KCND2: variants seen among roughly 807,000 people sequenced by gnomAD.
KCND2 encodes the protein A-type voltage-gated potassium channel KCND2.
KCND2 carries 16 observed loss-of-function variants against 54.4 expected under a neutral mutation model. The ratio of observed to expected loss-of-function variants is 0.29; its 90% CI spans 0.20 to 0.45. The LOEUF is 0.45. Among genes scored for constraint, KCND2 ranks in the 20% least tolerant of loss-of-function variants. KCND2 has a pLI of 1.00. For missense variants in KCND2, 486 were observed against 824.2 expected (o/e 0.59, Z 5.02); for synonymous variants, 317 against 310.7 (o/e 1.02, Z -0.21).
At chr7:120,706,945 G>A (rs1792476304) in intron 1 of KCND2, among the ~76,000 whole-genome samples, 1 of 152,066 alleles carries the variant, frequency 6.6e-6, no homozygotes, top group East Asian at 1.9e-4. Flanking sequence ...TTGTCAAAAT[G>A]TATTTTGTCT....
intron 1 of KCND2, chr7:120,673,056 A>G (rs1792013830): frequency 6.6e-6 from 1 of 151,774 alleles, no homozygotes; most frequent in Non-Finnish European, 1.5e-5. Context: ...GACAACAAGG[A>G]TGTGTGTGTG....
chr7:120,607,205 TG>T (rs1792892899), intron 1 of KCND2, among the ~76,000 whole-genome samples: 1 of 151,720 alleles, frequency 6.6e-6, no homozygotes, highest in South Asian at 2.1e-4. Flanking sequence ...TTTTTTTTCT[TG>T]ACTAAATGTT....
chr7:120,694,628 G>T (rs560383058), intron 1 of KCND2, among the ~76,000 whole-genome samples: 1 of 152,108 alleles, frequency 6.6e-6, no homozygotes, highest in African/African-American at 2.4e-5. Context: ...GGGGTTAGAA[G>T]GACCACCATA....
At chr7:120,437,041 G>A (rs1239522000) in intron 1 of KCND2, among the ~76,000 whole-genome samples, 4 of 151,806 alleles carry the variant, frequency 2.6e-5, no homozygotes, top group Middle Eastern at 3.2e-3. Flanking sequence ...TCAGCCTATC[G>A]AACTTTGCCC....
intron 1 of KCND2, among the ~76,000 whole-genome samples, chr7:120,412,726 G>C (rs1801469951): frequency 6.6e-6 from 1 of 152,040 alleles, no homozygotes; most frequent in Admixed American, 6.6e-5. Flanking sequence ...ATATATTCCA[G>C]AATGCTTTCT....
chr7:120,702,950 A>G (rs190256194), intron 1 of KCND2, among the ~76,000 whole-genome samples: 21 of 152,288 alleles, frequency 1.4e-4, no homozygotes, highest in Admixed American at 5.9e-4. Context: ...TAAAAAAATC[A>G]GTTGCCTGGG....
At chr7:120,496,135 C>T (rs1802843568) in intron 1 of KCND2, among the ~76,000 whole-genome samples, 1 of 152,100 alleles carries the variant, frequency 6.6e-6, no homozygotes, top group Non-Finnish European at 1.5e-5. Flanking sequence ...TAGAAGCATC[C>T]ACTCTGAGTC....
intron 1 of KCND2, among the ~76,000 whole-genome samples, chr7:120,328,143 A>G (rs1021147653): frequency 2.6e-5 from 4 of 152,068 alleles, no homozygotes; most frequent in Non-Finnish European, 5.9e-5. Flanking sequence ...TGGTGGTGGT[A>G]TTGTTCAATA....
chr7:120,415,859 A>G (rs1004464023), intron 1 of KCND2, among the ~76,000 whole-genome samples: 1 of 152,098 alleles, frequency 6.6e-6, no homozygotes, highest in Non-Finnish European at 1.5e-5. Flanking sequence ...CTACACCCCT[A>G]CCTTCCTTGT....
chr7:120,543,270 C>T (rs1792004007), intron 1 of KCND2, among the ~76,000 whole-genome samples: 1 of 151,776 alleles, frequency 6.6e-6, no homozygotes, highest in South Asian at 2.1e-4. Flanking sequence ...CTCCTTCTCA[C>T]TCCAGTTTTA....
At chr7:120,465,551 A>G (rs1309106560) in intron 1 of KCND2, among the ~76,000 whole-genome samples, 1 of 152,194 alleles carries the variant, frequency 6.6e-6, no homozygotes, top group Non-Finnish European at 1.5e-5. Flanking sequence ...TTAGAGAAGA[A>G]GAAAGTGGCA....
intron 1 of KCND2, among the ~76,000 whole-genome samples, chr7:120,323,279 G>A (rs963631124): frequency 6.6e-6 from 1 of 151,750 alleles, no homozygotes; most frequent in Non-Finnish European, 1.5e-5. Flanking sequence ...GTTTGGATTA[G>A]CACAATGGTT....
chr7:120,665,982 A>G (rs1328388640), intron 1 of KCND2, among the ~76,000 whole-genome samples: 1 of 152,110 alleles, frequency 6.6e-6, no homozygotes, highest in Non-Finnish European at 1.5e-5. Flanking sequence ...AAAATTTCAA[A>G]TCAATCAAAA....
chr7:120,565,862 C>T (rs1792290608), intron 1 of KCND2, among the ~76,000 whole-genome samples: 1 of 152,148 alleles, frequency 6.6e-6, no homozygotes, highest in Non-Finnish European at 1.5e-5. Flanking sequence ...TTTCAATAGT[C>T]CCACAAGGTG....
chr7:120,535,914 G>T (rs1174760475), intron 1 of KCND2, among the ~76,000 whole-genome samples: 2 of 152,058 alleles, frequency 1.3e-5, no homozygotes, highest in African/African-American at 4.8e-5. Flanking sequence ...TGTTGTGGGG[G>T]TAGGCAGCTG....
chr7:120,510,280 A>G (rs930545608), intron 1 of KCND2, among the ~76,000 whole-genome samples: 1 of 152,118 alleles, frequency 6.6e-6, no homozygotes. Flanking sequence ...CTTGGCATTG[A>G]CACTACTATT....
intron 1 of KCND2, among the ~76,000 whole-genome samples, chr7:120,322,826 T>C (rs1347892122): frequency 6.6e-6 from 1 of 152,098 alleles, no homozygotes; most frequent in African/African-American, 2.4e-5. Flanking sequence ...TACACGGTGT[T>C]TAAGGGTTAG....
chr7:120,430,357 C>A (rs1178880654), intron 1 of KCND2, among the ~76,000 whole-genome samples: 1 of 151,990 alleles, frequency 6.6e-6, no homozygotes, highest in East Asian at 1.9e-4. Context: ...CCTTAGAAGC[C>A]CTGTGTTCAA....
intron 1 of KCND2, among the ~76,000 whole-genome samples, chr7:120,285,135 T>G (rs1307659571): frequency 6.6e-6 from 1 of 152,150 alleles, no homozygotes; most frequent in Non-Finnish European, 1.5e-5. Context: ...CTCAATGATT[T>G]GTCATTGGGT....
Sources: gnomAD v4.1 joint callset for allele counts (sites outside exome capture counted in the v4.1 genomes callset) on GRCh38, gnomAD v4.1.1 for gene constraint, MANE v1.5 for transcripts, NCBI Gene and HGNC (gene_info 2026-07-23, HGNC 2026-07-21) for gene names.